The following FBLN1 variants were observed in gnomAD, a reference collection of about 807,000 sequenced individuals.
FBLN1 encodes fibulin 1.
A neutral mutation model predicts 89.7 loss-of-function variants in FBLN1; 34 were observed. The observed-to-expected ratio is 0.38, with a 90% CI of 0.29 to 0.50. FBLN1 has a LOEUF of 0.50. Ranked by LOEUF, FBLN1 falls within the 20% of genes least tolerant of loss-of-function variation. The pLI, the probability that FBLN1 is intolerant of heterozygous loss-of-function variation, is 0.92. For synonymous variants in FBLN1, 393 were observed against 391.3 expected, an observed-to-expected ratio of 1.00 and a Z score of -0.05; for missense variants, 777 against 988.1, an observed-to-expected ratio of 0.79 and a Z score of 2.86.
Position 45,541,268 on chromosome 22 carries a change from T to A in FBLN1, c.962T>A (p.Ile321Asn). The change falls in exon 9 of 17, where the codon ATC becomes AAC. Residue 321 changes from isoleucine to asparagine, a missense_variant. Coordinates refer to ENST00000327858, the MANE Select transcript of FBLN1 (RefSeq NM_006486.3). ...ECLSISAPCPIGHTCINTEGS... is the reference protein window; with the variant it reads ...ECLSISAPCPNGHTCINTEGS... ...TTGAGTATCAGTGCCCCGTGCCCTA[T>A]CGGGCATACATGCATCAACACAGAG... is the stretch of plus-strand genomic sequence containing the variant. 6.2e-7 allele frequency: 1 copy of A among 1,614,202 alleles called. No individual in the cohort carries two copies. Among genetic ancestry groups the A allele is most frequent in the Non-Finnish European group, 8.5e-7 (1 of 1,180,000 alleles).
intron 8 of FBLN1, among the ~76,000 whole-genome samples, chr22:45,539,526 A>G (rs571709266): frequency 6.6e-6 from 1 of 152,094 alleles, no homozygotes; most frequent in East Asian, 2.0e-4. Flanking sequence ...GTGGGGAGGA[A>G]GGAATGGGCC....
At position 45,597,949 on chromosome 22, in the gene FBLN1, A is replaced by G. The variant is rs1016827224; in HGVS notation, c.1973-2358A>G. 6.6e-6 allele frequency among the ~76,000 whole-genome samples: 1 copy of G among 152,150 alleles called. No homozygotes were observed. Among genetic ancestry groups the G allele is most frequent in the African/African-American group, 2.4e-5 (1 of 41,440 alleles). The stretch of plus-strand genomic sequence containing the variant: ...GAGCGTGAACTTGATGTTCCTGACC[A>G]GGAACCAGCCACTCGTACCGAAGGC... On this transcript the variant is annotated intron_variant, in intron 16 of 16. Transcript: ENST00000327858. The surrounding 1 kb of genome is among the most constrained non-coding windows in gnomAD (Gnocchi z 4.2).
intron 16 of FBLN1, among the ~76,000 whole-genome samples, chr22:45,587,512 C>T (rs972510320): frequency 5.3e-5 from 8 of 152,282 alleles, no homozygotes; most frequent in African/African-American, 7.2e-5. Context: ...AAAATGTGTA[C>T]GAGGTAGGGA....
At position 45,505,707 on chromosome 22, in the gene FBLN1, T is replaced by C. The variant is rs532050902; in HGVS notation, c.79+2643T>C. Among the ~76,000 whole-genome samples, 32 of 152,342 alleles carry C rather than the reference T, an allele frequency of 2.1e-4. No individual in the cohort carries two copies. In the South Asian group the frequency reaches 6.6e-3, roughly 32 times the overall value. ...AGGGAACAAAAACCTACTTAGGTTGTCTTGAGGATTAAGAGAGAGAACATA... is the reference window on the plus strand; with the variant it reads ...AGGGAACAAAAACCTACTTAGGTTGCCTTGAGGATTAAGAGAGAGAACATA... On this transcript the variant is annotated intron_variant, in intron 1 of 16. Transcript: ENST00000327858.
chr22:45,589,222 C>T (rs542475889), intron 16 of FBLN1, among the ~76,000 whole-genome samples: 2 of 151,892 alleles, frequency 1.3e-5, no homozygotes, highest in African/African-American at 4.8e-5. Context: ...GAAACTGAGG[C>T]ACACAGGAGC....
At chr22:45,525,506 G>A (rs776464992) in intron 2 of FBLN1, 37 bp from the exon 3 acceptor site, 77 of 1,547,790 alleles carry the variant, frequency 5.0e-5, no homozygotes, top group Admixed American at 2.0e-4. Context: ...GGCCCCCTGC[G>A]CACAGAGCCT....
rs2088806156 is a variant in FBLN1 at position 45,557,697 on chromosome 22, T to C, written c.1697+7082T>C. ...CTTTTATGTGATATGGTGAGCACTC[T>C]CATGTGATACAAATATCTTCACAGT... On this transcript the variant is annotated intron_variant, in intron 14 of 16. Transcript: ENST00000327858. This position sits in a 1 kb window ranked among gnomAD's most constrained non-coding sequence, Gnocchi z 4.9. Among the ~76,000 whole-genome samples, 1 of 152,332 alleles carries C rather than the reference T, an allele frequency of 6.6e-6. No individual in the cohort carries two copies. The highest frequency in any genetic ancestry group is 1.9e-4 in the East Asian group (1 of 5,188).
chr22:45,532,887 A>G lies in FBLN1; in HGVS notation c.545-176A>G. The stretch of plus-strand genomic sequence containing the variant: ...AAGCAGCAGCCCCTGGGGGGTGTCC[A>G]GAGCCAGAGCCTGGGGGTCTCCCAG... On this transcript the variant is annotated intron_variant, in intron 5 of 16. Coordinates refer to ENST00000327858, the MANE Select transcript of FBLN1 (RefSeq NM_006486.3). The surrounding 1 kb of genome is among the most constrained non-coding windows in gnomAD (Gnocchi z 4.2). The G allele has an allele frequency of 4.6e-6, 3 of 648,580 alleles. No individual in the cohort carries two copies. In the South Asian group the frequency reaches 5.3e-5, roughly 11 times the overall value. The allele number at this position is 648,580 out of a possible 1,614,324, so 40.2% of individuals were successfully genotyped here.
intron 2 of FBLN1, among the ~76,000 whole-genome samples, chr22:45,520,895 A>C (rs1236412902): frequency 6.6e-6 from 1 of 152,108 alleles, no homozygotes; most frequent in Non-Finnish European, 1.5e-5. Context: ...GGCTCACTGC[A>C]ACCTCCGCCT....
In FBLN1 at chr22:45,572,792, G is replaced by A. The variant is rs760907557; in HGVS notation, c.1698-1719G>A. ...GGGCCTGCATGGGATCAGGCCTCTG[G>A]ATCTGGCTGCCAATGTCCAAGAAAT... On this transcript the variant is annotated intron_variant, in intron 14 of 16. Coordinates refer to ENST00000327858, the MANE Select transcript of FBLN1 (RefSeq NM_006486.3). This position sits in a 1 kb window ranked among gnomAD's most constrained non-coding sequence, Gnocchi z 5.8. 3.9e-5 allele frequency among the ~76,000 whole-genome samples: 6 copies of A among 152,236 alleles called. No individual in the cohort carries two copies. The highest frequency in any genetic ancestry group is 8.8e-5 in the Non-Finnish European group (6 of 68,042).
At chr22:45,542,932 C>T (rs373667613) in intron 10 of FBLN1, among the ~76,000 whole-genome samples, 10 of 152,352 alleles carry the variant, frequency 6.6e-5, no homozygotes, top group East Asian at 3.9e-4. Flanking sequence ...ACTGACTTCC[C>T]GCATGCTCGG....
At chr22:45,504,844 T>C (rs138283332) in intron 1 of FBLN1, among the ~76,000 whole-genome samples, 13 of 152,324 alleles carry the variant, frequency 8.5e-5, no homozygotes, top group Non-Finnish European at 1.5e-4. Flanking sequence ...TAAAAGCAGC[T>C]GGATGTCCTG....
At chr22:45,525,743 C>A in intron 3 of FBLN1, 65 bp downstream of exon 3, 1 of 1,547,378 alleles carries the variant, frequency 6.5e-7, no homozygotes. Context: ...CAGGCCCTCC[C>A]AGCCAAGCGG....
Position 45,578,958 on chromosome 22 carries a change from G to A in FBLN1, c.1972+1850G>A, listed in dbSNP as rs1433963239. ...CTCAGCAGCAGGGAGAAGCCACCCCGTATCAGATCATCAAAATATGATGCC... is the reference window on the plus strand; with the variant it reads ...CTCAGCAGCAGGGAGAAGCCACCCCATATCAGATCATCAAAATATGATGCC... On this transcript the variant is annotated intron_variant, in intron 16 of 16. Transcript: ENST00000327858. This position sits in a 1 kb window ranked among gnomAD's most constrained non-coding sequence, Gnocchi z 4.6. Among the ~76,000 whole-genome samples the A allele has an allele frequency of 3.3e-5, 5 of 152,220 alleles. No homozygotes were observed. The highest frequency in any genetic ancestry group is 3.2e-3 in the Middle Eastern group (1 of 316).
At chr22:45,596,699 T>C (rs1351214545) in intron 16 of FBLN1, among the ~76,000 whole-genome samples, 1 of 126,106 alleles carries the variant, frequency 7.9e-6, no homozygotes, top group African/African-American at 4.1e-5. Flanking sequence ...TAATTATATA[T>C]TTATCATGTT....
rs924210065 is a variant in FBLN1 at position 45,579,457 on chromosome 22, G to A, written c.1972+2349G>A. Among the ~76,000 whole-genome samples the A allele has an allele frequency of 1.3e-5, 2 of 152,264 alleles. No individual in the cohort carries two copies. The highest frequency in any genetic ancestry group is 2.4e-5 in the African/African-American group (1 of 41,478). On this transcript the variant is annotated intron_variant, in intron 16 of 16. Coordinates refer to ENST00000327858, the MANE Select transcript of FBLN1 (RefSeq NM_006486.3). This position sits in a 1 kb window ranked among gnomAD's most constrained non-coding sequence, Gnocchi z 5.5. ...GTGGATGAGGCCACAAGGACCCAGC[G>A]GCTTCCCCCGGCACAGTTGGTCACG...
rs186020141 is a variant in FBLN1, at chr22:45,581,120, A to C, written c.1972+4012A>C. ...TGGGAAGAGATCTTTCAGGTAGTAT[A>C]TCCTGAGTGATGACTAATGGGGGAG... On this transcript the variant is annotated intron_variant, in intron 16 of 16. Transcript: ENST00000327858. This position sits in a 1 kb window ranked among gnomAD's most constrained non-coding sequence, Gnocchi z 7.6. Among the ~76,000 whole-genome samples the C allele has an allele frequency of 5.2e-3, 785 of 152,254 alleles. 5 individuals carry two copies. The highest frequency in any genetic ancestry group is 0.018 in the African/African-American group (740 of 41,556).
rs1250877517 is a variant in FBLN1, at chr22:45,550,520, C to T, written c.1602C>T (p.His534=). The T allele has an allele frequency of 6.2e-6, 10 of 1,614,020 alleles. No individual in the cohort carries two copies. In the South Asian group the frequency reaches 9.9e-5, roughly 16 times the overall value. Residue 534 remains histidine, a synonymous_variant, in exon 14 of 17, where the codon CAC becomes CAT. Transcript: ENST00000327858. The surrounding 1 kb of genome is among the most constrained non-coding windows in gnomAD (Gnocchi z 8.4). ...TTGATGAGTGTGTGACTGGCATCCA[C>T]AACTGCTCCATCAACGAGACCTGCT... ...QDIDECVTGI[H]NCSINETCFN...
rs1205908992 is a variant in FBLN1, at chr22:45,581,641, T to A, written c.1972+4533T>A. ...TCCCGGGTTGCAGGGAGCTACGGAG[T>A]TGTCTTTGTAGTTTTTTGCAGGCCA... is the stretch of plus-strand genomic sequence containing the variant. On this transcript the variant is annotated intron_variant, in intron 16 of 16. Transcript: ENST00000327858. This position sits in a 1 kb window ranked among gnomAD's most constrained non-coding sequence, Gnocchi z 7.6. Among the ~76,000 whole-genome samples, 2 of 150,786 alleles carry A rather than the reference T, an allele frequency of 1.3e-5. No homozygotes were observed. Among genetic ancestry groups the A allele is most frequent in the Non-Finnish European group, 3.0e-5 (2 of 67,746 alleles).
Sources: allele counts gnomAD v4.1 joint callset (sites outside exome capture counted in the v4.1 genomes callset), GRCh38; gene constraint gnomAD v4.1.1; non-coding constraint Gnocchi (gnomAD v3.1); transcripts MANE v1.5; gene names NCBI Gene and HGNC (gene_info 2026-07-23, HGNC 2026-07-21).